Variants in DCK observed in about 807,000 individuals in gnomAD.
DCK encodes deoxycytidine kinase, also known as deoxyadenosine kinase.
Under a neutral mutation model 38.3 loss-of-function variants are expected in DCK, and 23 were observed. The ratio of observed to expected loss-of-function variants is 0.60; its 90% CI spans 0.43 to 0.85. The LOEUF is 0.85. DCK is among the 40% of genes least tolerant of loss of function. The pLI is 0.00. For synonymous variants in DCK, 108 were observed against 100.6 expected, an observed-to-expected ratio of 1.07 and a Z score of -0.44; for missense variants, 259 against 304.4, an observed-to-expected ratio of 0.85 and a Z score of 1.11.
At position 71,013,584 on chromosome 4, in the gene DCK, G is replaced by A. The variant is rs1362757885; in HGVS notation, c.208-8783G>A. On this transcript the variant is annotated intron_variant, in intron 2 of 6. Transcript: ENST00000286648. ...TCGCGGCAGAAACGCTACAAGCCAG[G>A]AGAGAGTGGGGGCCAATATTCAACA... Among the ~76,000 whole-genome samples, 7 of 152,282 alleles carry A rather than the reference G, an allele frequency of 4.6e-5. No homozygotes were observed. In the South Asian group the frequency reaches 1.2e-3, roughly 27 times the overall value.
chr4:71,015,411 G>A (rs1372131668), intron 2 of DCK, among the ~76,000 whole-genome samples: 1 of 152,138 alleles, frequency 6.6e-6, no homozygotes, highest in Non-Finnish European at 1.5e-5. Context: ...GAAAAAGAGG[G>A]AATCCTCCCT....
chr4:71,027,026 T>TA (rs2148920252), intron 6 of DCK, among the ~76,000 whole-genome samples: 1 of 152,148 alleles, frequency 6.6e-6, no homozygotes, highest in Non-Finnish European at 1.5e-5. Context: ...GATTTTTTTT[T>TA]ATCCTTTAGT....
At chr4:71,029,250 G>A (rs1456934501) in intron 6 of DCK, 102 bp from the exon 7 acceptor site, 1 of 673,268 alleles carries the variant, frequency 1.5e-6, no homozygotes, top group Non-Finnish European at 2.5e-6. Flanking sequence ...TACTTATACA[G>A]CTGGGGTCTT....
At position 71,021,066 on chromosome 4, in the gene DCK, C is replaced by CTT. The variant is rs34109101; in HGVS notation, c.208-1282_208-1281dup. 1.2e-4 allele frequency among the ~76,000 whole-genome samples: 10 copies of CTT among 85,988 alleles called. 1 individual carries two copies. Among genetic ancestry groups the CTT allele is most frequent in the East Asian group, 3.6e-4 (1 of 2,814 alleles). The allele number at this position is 85,988 out of a possible 152,430, so 56.4% of individuals were successfully genotyped here. A position where few individuals can be genotyped will look rare whatever the true frequency, so the allele number is the denominator to read the frequency against. On this transcript the variant is annotated intron_variant, in intron 2 of 6. Transcript: ENST00000286648. ...AATTCATGTGTTCCAGATGCTATTT[C>CTT]TTTTTTTTTTTTTTTTTTTTGAGAC...
chr4:70,997,854 C>A (rs1000670429), intron 1 of DCK, among the ~76,000 whole-genome samples: 2 of 152,136 alleles, frequency 1.3e-5, no homozygotes, highest in Non-Finnish European at 2.9e-5. Flanking sequence ...TATTGTTAAA[C>A]TAAACGTAAT....
intron 2 of DCK, among the ~76,000 whole-genome samples, chr4:71,018,148 A>C (rs1740319896): frequency 8.6e-6 from 1 of 115,768 alleles, no homozygotes; most frequent in South Asian, 2.8e-4. Flanking sequence ...TTTTTTTGAG[A>C]CGGAGTCTCG....
At chr4:70,994,109 G>A in intron 1 of DCK, 183 bp downstream of exon 1, 1 of 612,818 alleles carries the variant, frequency 1.6e-6, no homozygotes, top group South Asian at 1.9e-5. Flanking sequence ...CGCTCCACGG[G>A]GTGACTGCGG....
At chr4:71,017,087 G>A (rs1740289988) in intron 2 of DCK, among the ~76,000 whole-genome samples, 6 of 151,680 alleles carry the variant, frequency 4.0e-5, no homozygotes, top group Admixed American at 2.6e-4. Context: ...AAATTTACAA[G>A]AAAAAAACAA....
rs575977180 is a variant in DCK, at chr4:71,015,398, A to G, written c.208-6969A>G. Among the ~76,000 whole-genome samples, 54 of 152,344 alleles carry G rather than the reference A, an allele frequency of 3.5e-4. 1 individual carries two copies. The highest frequency in any genetic ancestry group is 1.2e-3 in the African/African-American group (50 of 41,584). The stretch of plus-strand genomic sequence containing the variant: ...ATTCCTTCTGAAACTATTCCAATCA[A>G]TAGAAAAAGAGGGAATCCTCCCTAA... On this transcript the variant is annotated intron_variant, in intron 2 of 6. Coordinates refer to ENST00000286648, the MANE Select transcript of DCK (RefSeq NM_000788.3).
At chr4:71,027,780 T>C (rs895549561) in intron 6 of DCK, among the ~76,000 whole-genome samples, 7 of 152,154 alleles carry the variant, frequency 4.6e-5, no homozygotes, top group African/African-American at 7.2e-5. Flanking sequence ...GTTAAAAATA[T>C]AGGATAAATT....
chr4:71,001,589 G>A (rs1309945930), intron 2 of DCK, among the ~76,000 whole-genome samples: 1 of 152,154 alleles, frequency 6.6e-6, no homozygotes, highest in Non-Finnish European at 1.5e-5. Context: ...ACCTGTGGTA[G>A]AATTCAGCTG....
chr4:71,011,127 G>C (rs1389743663), intron 2 of DCK, among the ~76,000 whole-genome samples: 1 of 151,382 alleles, frequency 6.6e-6, no homozygotes, highest in East Asian at 1.9e-4. Flanking sequence ...AATTTTAGTA[G>C]AGATGGGGTT....
chr4:71,029,482 TA>T lies in DCK; in HGVS notation c.*106del, dbSNP rs1740634286. 1 of 836,650 alleles carries T rather than the reference TA, an allele frequency of 1.2e-6. No individual in the cohort carries two copies. Among genetic ancestry groups the T allele is most frequent in the African/African-American group, 1.7e-5 (1 of 57,212 alleles). The allele number at this position is 836,650 out of a possible 1,614,324, so 51.8% of individuals were successfully genotyped here. A position where few individuals can be genotyped will look rare whatever the true frequency, so the allele number is the denominator to read the frequency against. ...AGTTTCTTTAGAAAACCCAAGTTTT[TA>T]ATCGTTTTTGTTTTAAGGAAAAAAG... On this transcript the variant is annotated 3_prime_UTR_variant, in exon 7 of 7. Transcript: ENST00000286648.
At chr4:71,005,168 T>A (rs1268210441) in intron 2 of DCK, among the ~76,000 whole-genome samples, 1 of 152,122 alleles carries the variant, frequency 6.6e-6, no homozygotes, top group East Asian at 1.9e-4. Context: ...AAAAGCCTAG[T>A]ATCTGGGCTG....
In DCK at chr4:70,993,889, G is replaced by C. The variant is rs765857928; in HGVS notation, c.54G>C (p.Gly18=). 6.2e-7 allele frequency: 1 copy of C among 1,613,964 alleles called. No individual in the cohort carries two copies. Among genetic ancestry groups the C allele is most frequent in the Admixed American group, 1.7e-5 (1 of 60,012 alleles). The stretch of plus-strand genomic sequence containing the variant: ...CGTCTTTCTCAGCCAGCTCTGAGGG[G>C]ACCCGCATCAAGAAAATCTCCATCG... ...SCPSFSASSE[G]TRIKKISIEG... Residue 18 remains glycine (G), a synonymous_variant, in exon 1 of 7, where the codon GGG becomes GGC. Transcript: ENST00000286648.
At chr4:71,014,445 C>A (rs894890125) in intron 2 of DCK, among the ~76,000 whole-genome samples, 2 of 152,214 alleles carry the variant, frequency 1.3e-5, no homozygotes, top group African/African-American at 2.4e-5. Flanking sequence ...GAACTCTCCA[C>A]CCCAAATCAA....
rs186925584 is a variant in DCK, at chr4:71,029,747, G to A, written c.*369G>A. ...TTTTTTCCCTGGTGCCTCTCACTTC[G>A]TTGGTGACCAGTTTCTTAAACTGAA... is the stretch of plus-strand genomic sequence containing the variant. On this transcript the variant is annotated 3_prime_UTR_variant, in exon 7 of 7. Coordinates refer to ENST00000286648, the MANE Select transcript of DCK (RefSeq NM_000788.3). 3.6e-5 allele frequency: 7 copies of A among 195,590 alleles called. No individual in the cohort carries two copies. In the East Asian group the frequency reaches 5.8e-4, roughly 16 times the overall value. The allele number at this position is 195,590 out of a possible 1,614,324, so 12.1% of individuals were successfully genotyped here.
chr4:71,009,741 T>C (rs985749990), intron 2 of DCK, among the ~76,000 whole-genome samples: 2 of 152,098 alleles, frequency 1.3e-5, no homozygotes, highest in African/African-American at 4.8e-5. Flanking sequence ...GACTGCTCCG[T>C]TGTTAATTCT....
intron 2 of DCK, among the ~76,000 whole-genome samples, chr4:71,015,166 T>G (rs1740225718): frequency 1.3e-5 from 2 of 151,866 alleles, no homozygotes; most frequent in African/African-American, 4.8e-5. Flanking sequence ...TCTACGCAAA[T>G]AAACTAGAAA....
Sources: gnomAD v4.1 joint callset for allele counts (sites outside exome capture counted in the v4.1 genomes callset) on GRCh38, gnomAD v4.1.1 for gene constraint, MANE v1.5 for transcripts, NCBI Gene and HGNC (gene_info 2026-07-23, HGNC 2026-07-21) for gene names.